Variants in MICAL2 observed in about 807,000 individuals in gnomAD.
MICAL2 encodes microtubule associated monooxygenase, calponin and LIM domain containing 2, also known as [F-actin]-monooxygenase MICAL2.
MICAL2 carries 77 observed loss-of-function variants against 127.3 expected under a neutral mutation model. That is an observed-to-expected ratio of 0.60 (90% CI 0.50 to 0.73). The LOEUF (loss-of-function observed/expected upper bound fraction) is 0.73. MICAL2 is among the 30% of genes least tolerant of loss of function. The probability of loss-of-function intolerance (pLI) is 0.00; values close to 1 mark genes in which losing one functional copy is unlikely to be tolerated. For synonymous variants in MICAL2, 570 were observed against 551.1 expected (o/e 1.03, Z -0.48); for missense variants, 1,351 against 1,434.4 (o/e 0.94, Z 0.94).
chr11:12,295,471 G>C (rs1220130287), downstream of MICAL2, among the ~76,000 whole-genome samples: 1 of 104,034 alleles, frequency 9.6e-6, no homozygotes, highest in East Asian at 3.0e-4. Flanking sequence ...TTTTTTTAGA[G>C]AGACAGGTCT....
chr11:12,294,831 C>T (rs775489680), downstream of MICAL2: 9 of 1,517,598 alleles, frequency 5.9e-6, no homozygotes, highest in South Asian at 7.8e-5. Flanking sequence ...CCTCCTCCTC[C>T]TCCTCCTCCT....
chr11:12,147,001 G>A (rs12362349), intron 2 of MICAL2, among the ~76,000 whole-genome samples: 74,106 of 151,336 alleles, frequency 0.49, 18,687 homozygotes, highest in South Asian at 0.69. Flanking sequence ...ATAGGTGGAA[G>A]TTGAACAATG....
intron 12 of MICAL2, among the ~76,000 whole-genome samples, chr11:12,223,836 A>T (rs1338992480): frequency 1.3e-5 from 2 of 152,120 alleles, no homozygotes; most frequent in Non-Finnish European, 2.9e-5. Context: ...TTAAGTAGAT[A>T]ATGAGCTTAA....
chr11:12,207,734 T>C, intron 4 of MICAL2: 1 of 279,704 alleles, frequency 3.6e-6, no homozygotes, highest in Non-Finnish European at 6.7e-6. Context: ...CAGACAGATG[T>C]GGGTCCATGT....
rs761260855 is a variant in MICAL2, at chr11:12,239,562, C to G, written c.2191C>G (p.Arg731Gly). 3 of 1,614,168 alleles carry G rather than the reference C, an allele frequency of 1.9e-6. No homozygotes were observed. Among genetic ancestry groups the G allele is most frequent in the Non-Finnish European group, 2.5e-6 (3 of 1,180,032 alleles). The stretch of plus-strand genomic sequence containing the variant: ...GCTGGCCAAGTTTGAGGAGAGCACT[C>G]GGAACCCCTCACTCATGAAGCAGGT... The part of the protein sequence containing the change: ...QLLAKFEEST[R>G]NPSLMKQERR... The change falls in exon 17 of 28, where the codon CGG (arginine) becomes GGG (glycine). Residue 731 changes from arginine (R) to glycine (G), a missense_variant. Coordinates refer to ENST00000683283, the MANE Select transcript of MICAL2 (RefSeq NM_001282663.2).
intron 1 of MICAL2, among the ~76,000 whole-genome samples, chr11:12,279,605 C>T (rs1863751608): frequency 6.6e-6 from 1 of 152,214 alleles, no homozygotes; most frequent in Admixed American, 6.5e-5. Flanking sequence ...GCTCGTCTGA[C>T]TGGGAAGTCC....
At chr11:12,332,728 A>G (rs1341080508) in intron 32 of MICAL2, among the ~76,000 whole-genome samples, 2 of 152,186 alleles carry the variant, frequency 1.3e-5, no homozygotes, top group East Asian at 1.9e-4. Flanking sequence ...AGCCCCAGGA[A>G]AAGGACTCAG....
chr11:12,311,603 T>C (rs1392381443), intron 29 of MICAL2, among the ~76,000 whole-genome samples: 1 of 152,182 alleles, frequency 6.6e-6, no homozygotes, highest in East Asian at 1.9e-4. Flanking sequence ...CGTTTCACCG[T>C]GTTAGCCAGG....
At chr11:12,311,600 C>A (rs1864175444) in intron 29 of MICAL2, among the ~76,000 whole-genome samples, 1 of 152,128 alleles carries the variant, frequency 6.6e-6, no homozygotes, top group Non-Finnish European at 1.5e-5. Flanking sequence ...CAGCGTTTCA[C>A]CGTGTTAGCC....
chr11:12,358,518 C>A (rs764321639), downstream of MICAL2: 3 of 1,595,050 alleles, frequency 1.9e-6, no homozygotes, highest in East Asian at 4.5e-5. Flanking sequence ...CACGTTGGGA[C>A]CGGATCAGGC....
intron 3 of MICAL2, among the ~76,000 whole-genome samples, chr11:12,203,801 T>G (rs1854323463): frequency 6.6e-6 from 1 of 152,230 alleles, no homozygotes; most frequent in African/African-American, 2.4e-5. Context: ...TTGTTTGTGC[T>G]TTTCCTGTTA....
At chr11:12,331,518 G>C (rs1430435614) in intron 32 of MICAL2, among the ~76,000 whole-genome samples, 1 of 152,148 alleles carries the variant, frequency 6.6e-6, no homozygotes, top group Non-Finnish European at 1.5e-5. Flanking sequence ...GCTAGCGAAA[G>C]CCTCTCCAGG....
chr11:12,201,198 T>C (rs990447640), intron 3 of MICAL2, among the ~76,000 whole-genome samples: 3 of 152,072 alleles, frequency 2.0e-5, no homozygotes, highest in African/African-American at 7.2e-5. Flanking sequence ...ACTCACTCCC[T>C]GAAGTCTCCA....
In MICAL2 at chr11:12,162,138, G is replaced by T. The variant is rs369267227; in HGVS notation, c.-18G>T. The T allele has an allele frequency of 6.2e-7, 1 of 1,613,748 alleles. No homozygotes were observed. Among genetic ancestry groups the T allele is most frequent in the Non-Finnish European group, 8.5e-7 (1 of 1,179,950 alleles). On this transcript the variant is annotated 5_prime_UTR_variant, in exon 3 of 28. Coordinates refer to ENST00000683283, the MANE Select transcript of MICAL2 (RefSeq NM_001282663.2). ...CCTGTGTCCTCGCCGCACCACTGCC[G>T]CACACGACTCCTGAACCATGGGGGA...
At chr11:12,324,160 A>C in intron 31 of MICAL2, 1 of 1,446,056 alleles carries the variant, frequency 6.9e-7, no homozygotes, top group South Asian at 1.4e-5. Context: ...TCTGCATTGT[A>C]TTAGGGAAAG....
At chr11:12,133,830 A>G (rs1851620147) in intron 1 of MICAL2, among the ~76,000 whole-genome samples, 1 of 152,222 alleles carries the variant, frequency 6.6e-6, no homozygotes, top group Non-Finnish European at 1.5e-5. Context: ...TGAGCTGTCA[A>G]GATACTGCCT....
rs746333925 is a variant in MICAL2 at position 12,209,559 on chromosome 11, G to T, written c.652G>T (p.Val218Phe). The T allele has an allele frequency of 1.2e-6, 2 of 1,614,160 alleles. No homozygotes were observed. Among genetic ancestry groups the T allele is most frequent in the Admixed American group, 3.3e-5 (2 of 60,030 alleles). Residue 218 changes from valine (V) to phenylalanine (F), a missense_variant, in exon 6 of 28, where the codon GTC becomes TTC. Physicochemically the swap from Val to Phe is conservative, Grantham distance 50 (BLOSUM62 -1). Coordinates refer to ENST00000683283, the MANE Select transcript of MICAL2 (RefSeq NM_001282663.2). ...TTCTCTGTCGGAGTTTGAGTTTGAC[G>T]TCATCATTGGTGCCGATGGCCGCAG... ...DHSLSEFEFD[V>F]IIGADGRRNT...
downstream of MICAL2, chr11:12,294,400 G>A: frequency 1.9e-6 from 3 of 1,614,152 alleles, no homozygotes; most frequent in South Asian, 1.1e-5. Flanking sequence ...ATAAAGACGG[G>A]GACCAGCATT....
chr11:12,358,526 G>C (rs757488437), downstream of MICAL2: 1 of 1,581,108 alleles, frequency 6.3e-7, no homozygotes, highest in Non-Finnish European at 8.7e-7. Context: ...GACCGGATCA[G>C]GCCAAGTGCA....
Sources: allele counts gnomAD v4.1 joint callset (sites outside exome capture counted in the v4.1 genomes callset), GRCh38; gene constraint gnomAD v4.1.1; transcripts MANE v1.5; gene names NCBI Gene and HGNC (gene_info 2026-07-23, HGNC 2026-07-21).